The following KIAA0319L variants were observed in gnomAD, a reference collection of about 807,000 sequenced individuals.
KIAA0319L encodes the protein KIAA0319 like.
KIAA0319L carries 55 observed loss-of-function variants against 120.1 expected under a neutral mutation model. The observed-to-expected ratio is 0.46, with a 90% CI of 0.37 to 0.57. The LOEUF (loss-of-function observed/expected upper bound fraction) is 0.57. KIAA0319L is among the 20% of genes least tolerant of loss of function. The pLI, the probability that KIAA0319L is intolerant of heterozygous loss-of-function variation, is 0.00. For missense variants in KIAA0319L, 1,049 were observed against 1,255.3 expected (o/e 0.84, Z 2.48); for synonymous variants, 398 against 471.9 (o/e 0.84, Z 2.03).
chr1:35,486,647 TC>T (rs1570782605), intron 3 of KIAA0319L, among the ~76,000 whole-genome samples: 1 of 149,260 alleles, frequency 6.7e-6, no homozygotes, highest in East Asian at 2.0e-4. Context: ...ACACCTGTAA[TC>T]CTAGCATACT....
chr1:35,495,006 C>A (rs1644747182), intron 3 of KIAA0319L, among the ~76,000 whole-genome samples: 1 of 150,878 alleles, frequency 6.6e-6, no homozygotes, highest in African/African-American at 2.4e-5. Context: ...ATTCATATGC[C>A]AAAAAAAAAT....
intron 2 of KIAA0319L, among the ~76,000 whole-genome samples, chr1:35,518,461 A>G (rs1225222381): frequency 6.6e-6 from 1 of 152,158 alleles, no homozygotes; most frequent in African/African-American, 2.4e-5. Context: ...CTAACGCAGG[A>G]ACAGAAAACC....
intron 2 of KIAA0319L, among the ~76,000 whole-genome samples, chr1:35,549,874 C>T (rs1647134209): frequency 1.3e-5 from 2 of 152,206 alleles, no homozygotes; most frequent in African/African-American, 4.8e-5. Context: ...TATGCATCTA[C>T]TATGTGCCTT....
At chr1:35,491,897 G>A (rs1424849512) in intron 3 of KIAA0319L, among the ~76,000 whole-genome samples, 1 of 152,106 alleles carries the variant, frequency 6.6e-6, no homozygotes, top group Non-Finnish European at 1.5e-5. Context: ...TTGACTAATG[G>A]CATGAAATGC....
At chr1:35,471,213 G>T (rs945289927) in intron 5 of KIAA0319L, among the ~76,000 whole-genome samples, 1 of 152,120 alleles carries the variant, frequency 6.6e-6, no homozygotes, top group South Asian at 2.1e-4. Context: ...GACCCTCTCA[G>T]GGCCAATCCT....
At chr1:35,441,655 T>G (rs1372538717) in intron 19 of KIAA0319L, among the ~76,000 whole-genome samples, 1 of 152,102 alleles carries the variant, frequency 6.6e-6, no homozygotes, top group Non-Finnish European at 1.5e-5. Context: ...TTATGTGTCT[T>G]AAAAATGATA....
chr1:35,479,462 A>G (rs1295927561), intron 3 of KIAA0319L, among the ~76,000 whole-genome samples: 1 of 152,242 alleles, frequency 6.6e-6, no homozygotes, highest in Non-Finnish European at 1.5e-5. Flanking sequence ...TGTGCTGGAA[A>G]AGCAAAACAA....
chr1:35,518,187 T>C (rs534029966), intron 2 of KIAA0319L, among the ~76,000 whole-genome samples: 73 of 152,278 alleles, frequency 4.8e-4, no homozygotes, highest in Middle Eastern at 3.4e-3. Context: ...AAAGCAGAAC[T>C]ACCATCACTT....
chr1:35,526,357 G>A (rs147330058), intron 2 of KIAA0319L, among the ~76,000 whole-genome samples: 2,387 of 137,622 alleles, frequency 0.017, 64 homozygotes, highest in African/African-American at 0.062. Context: ...GTGTGTGTGT[G>A]TATATATATA....
At chr1:35,435,696 C>G (rs552213480) in intron 20 of KIAA0319L, 1 of 152,568 alleles carries the variant, frequency 6.6e-6, no homozygotes, top group South Asian at 2.1e-4. Context: ...GCAGCCAAAT[C>G]ACAGAACACA....
At chr1:35,467,041 G>C (rs745900209) in intron 6 of KIAA0319L, among the ~76,000 whole-genome samples, 7 of 151,534 alleles carry the variant, frequency 4.6e-5, no homozygotes, top group Non-Finnish European at 8.8e-5. Context: ...ACAGTGAGCC[G>C]AGATCATGTC....
chr1:35,512,199 G>A (rs1645474747), intron 2 of KIAA0319L, among the ~76,000 whole-genome samples: 1 of 151,890 alleles, frequency 6.6e-6, no homozygotes, highest in Non-Finnish European at 1.5e-5. Context: ...GAAATGGGAG[G>A]GGGAGTTGCA....
chr1:35,469,081 T>G (rs1337555409), intron 6 of KIAA0319L, among the ~76,000 whole-genome samples: 1 of 152,172 alleles, frequency 6.6e-6, no homozygotes, highest in East Asian at 1.9e-4. Flanking sequence ...CAGGCTGGAG[T>G]GCAGTAGCAT....
intron 2 of KIAA0319L, among the ~76,000 whole-genome samples, chr1:35,530,598 G>A (rs989154473): frequency 6.6e-6 from 1 of 152,132 alleles, no homozygotes; most frequent in African/African-American, 2.4e-5. Flanking sequence ...ACTGAAGTCT[G>A]TTATTGGAGA....
intron 3 of KIAA0319L, among the ~76,000 whole-genome samples, chr1:35,479,966 A>AAAAAC (rs1553203230): frequency 3.0e-4 from 39 of 130,780 alleles, no homozygotes; most frequent in African/African-American, 1.0e-3. Flanking sequence ...AAAAAAAAAA[A>AAAAAC]AAAAAACACA....
At chr1:35,543,412 T>C (rs1159535809) in intron 2 of KIAA0319L, among the ~76,000 whole-genome samples, 1 of 152,228 alleles carries the variant, frequency 6.6e-6, no homozygotes, top group Admixed American at 6.5e-5. Flanking sequence ...TGAAGACTCA[T>C]TGCTGTAAGA....
chr1:35,471,016 C>G (rs1278992440), intron 5 of KIAA0319L, 56 bp from the exon 6 acceptor site: 1 of 962,276 alleles, frequency 1.0e-6, no homozygotes, highest in Non-Finnish European at 1.7e-6. Context: ...ACAAAGAGGA[C>G]AGCCACATAG....
chr1:35,468,601 GCTC>G (rs1161522461), intron 6 of KIAA0319L, among the ~76,000 whole-genome samples: 1 of 152,030 alleles, frequency 6.6e-6, no homozygotes, highest in Non-Finnish European at 1.5e-5. Flanking sequence ...CTCCTTCTGT[GCTC>G]CTCATTTCAA....
At chr1:35,486,132 C>T (rs1644375080) in intron 3 of KIAA0319L, among the ~76,000 whole-genome samples, 1 of 152,064 alleles carries the variant, frequency 6.6e-6, no homozygotes, top group South Asian at 2.1e-4. Context: ...TGGCTCAAGC[C>T]AGCGCTTTGA....
Sources: allele counts gnomAD v4.1 joint callset (sites outside exome capture counted in the v4.1 genomes callset), GRCh38; gene constraint gnomAD v4.1.1; transcripts MANE v1.5; gene names NCBI Gene and HGNC (gene_info 2026-07-23, HGNC 2026-07-21).